The following ABTB3 variants were observed in gnomAD, a reference collection of about 807,000 sequenced individuals.
ABTB3 encodes ankyrin repeat- and BTB/POZ domain-containing protein 3.
the ABTB3 span, among the ~76,000 whole-genome samples, chr12:107,494,477 T>C: frequency 6.6e-6 from 1 of 152,140 alleles, no homozygotes; most frequent in Non-Finnish European, 1.5e-5. Context: ...AGGGCTGTTT[T>C]GCACATGGCC....
At chr12:107,483,706 G>T in the ABTB3 span, among the ~76,000 whole-genome samples, 1 of 151,858 alleles carries the variant, frequency 6.6e-6, no homozygotes, top group Non-Finnish European at 1.5e-5. Context: ...TATTTTTTTA[G>T]AGACAGTTCT....
At chr12:107,512,520 G>A in the ABTB3 span, among the ~76,000 whole-genome samples, 1 of 152,144 alleles carries the variant, frequency 6.6e-6, no homozygotes, top group Non-Finnish European at 1.5e-5. Context: ...ATAATGCCAG[G>A]GAAAACATCT....
chr12:107,339,625 G>A, the ABTB3 span, among the ~76,000 whole-genome samples: 1 of 152,124 alleles, frequency 6.6e-6, no homozygotes, highest in Non-Finnish European at 1.5e-5. Context: ...GCAATGGGAA[G>A]TATTTGTTGC....
the ABTB3 span, among the ~76,000 whole-genome samples, chr12:107,381,922 A>G: frequency 6.6e-6 from 1 of 152,238 alleles, no homozygotes; most frequent in African/African-American, 2.4e-5. Context: ...AGCTCTTGGC[A>G]TGTAATAACT....
At chr12:107,502,067 C>CT in the ABTB3 span, among the ~76,000 whole-genome samples, 12,905 of 140,442 alleles carry the variant, frequency 0.092, 698 homozygotes, top group African/African-American at 0.15. Context: ...GGCATTGGTA[C>CT]TTTTTTTTTT....
the ABTB3 span, among the ~76,000 whole-genome samples, chr12:107,404,596 G>A: frequency 3.9e-5 from 6 of 152,308 alleles, no homozygotes; most frequent in African/African-American, 1.2e-4. Context: ...GAGTATCTGC[G>A]AATGACTTGC....
At chr12:107,472,704 C>A in the ABTB3 span, among the ~76,000 whole-genome samples, 61 of 152,340 alleles carry the variant, frequency 4.0e-4, no homozygotes, top group African/African-American at 1.4e-3. Context: ...CAAGTGGGAA[C>A]ATCCGCCGTT....
the ABTB3 span, among the ~76,000 whole-genome samples, chr12:107,648,339 C>T: frequency 6.7e-6 from 1 of 149,228 alleles, no homozygotes; most frequent in South Asian, 2.1e-4. Context: ...CAAGATCGCG[C>T]CACTGCACTC....
chr12:107,350,624 A>C, the ABTB3 span, among the ~76,000 whole-genome samples: 1 of 152,128 alleles, frequency 6.6e-6, no homozygotes, highest in Non-Finnish European at 1.5e-5. Context: ...GGGATCTAAT[A>C]GGAGGCACAC....
At chr12:107,392,106 G>A in the ABTB3 span, among the ~76,000 whole-genome samples, 1 of 152,204 alleles carries the variant, frequency 6.6e-6, no homozygotes, top group Non-Finnish European at 1.5e-5. Flanking sequence ...AATGGTTGCT[G>A]TCCAGCCCTG....
the ABTB3 span, among the ~76,000 whole-genome samples, chr12:107,328,122 A>G: frequency 2.5e-4 from 38 of 152,230 alleles, no homozygotes; most frequent in Non-Finnish European, 1.6e-4. Flanking sequence ...AGTCTACACT[A>G]TCAGAGGGGC....
At chr12:107,434,980 T>C in the ABTB3 span, among the ~76,000 whole-genome samples, 1 of 152,188 alleles carries the variant, frequency 6.6e-6, no homozygotes, top group Non-Finnish European at 1.5e-5. Flanking sequence ...CAGTTGCCTC[T>C]TGGGTATTAA....
the ABTB3 span, among the ~76,000 whole-genome samples, chr12:107,634,341 A>C: frequency 6.6e-6 from 1 of 152,228 alleles, no homozygotes; most frequent in Non-Finnish European, 1.5e-5. Flanking sequence ...AAGAAAAAAC[A>C]TCCTCATCTC....
the ABTB3 span, among the ~76,000 whole-genome samples, chr12:107,323,763 T>C: frequency 6.6e-6 from 1 of 152,210 alleles, no homozygotes; most frequent in African/African-American, 2.4e-5. Flanking sequence ...GAGGGCTTCC[T>C]TGATGCAACC....
chr12:107,388,671 C>A, the ABTB3 span, among the ~76,000 whole-genome samples: 2 of 152,148 alleles, frequency 1.3e-5, no homozygotes. Flanking sequence ...AAGGCCCATG[C>A]AGGGGCCTGG....
chr12:107,447,887 G>A, the ABTB3 span, among the ~76,000 whole-genome samples: 5 of 152,136 alleles, frequency 3.3e-5, no homozygotes, highest in Admixed American at 6.5e-5. Flanking sequence ...AGCTCCCTCC[G>A]GGTCAGCCCT....
chr12:107,485,597 A>G, the ABTB3 span, among the ~76,000 whole-genome samples: 5 of 152,204 alleles, frequency 3.3e-5, no homozygotes, highest in Non-Finnish European at 7.3e-5. Flanking sequence ...TTCTGAAATG[A>G]ATAACCCCAA....
At chr12:107,588,851 T>A in the ABTB3 span, among the ~76,000 whole-genome samples, 1 of 152,160 alleles carries the variant, frequency 6.6e-6, no homozygotes, top group Non-Finnish European at 1.5e-5. Flanking sequence ...TGGTTGTCCA[T>A]CCAAGTGAGA....
the ABTB3 span, among the ~76,000 whole-genome samples, chr12:107,622,346 G>A: frequency 5.3e-5 from 8 of 152,292 alleles, no homozygotes; most frequent in African/African-American, 1.7e-4. Flanking sequence ...GGAGGGAGAT[G>A]ATGACAGAGA....
Sources: allele counts gnomAD v4.1 joint callset (sites outside exome capture counted in the v4.1 genomes callset), GRCh38; gene constraint gnomAD v4.1.1; transcripts MANE v1.5; gene names NCBI Gene and HGNC (gene_info 2026-07-23, HGNC 2026-07-21).